Variants in TPO observed in about 807,000 individuals in gnomAD.
TPO encodes thyroid microsomal antigen.
Under a neutral mutation model 96.9 loss-of-function variants are expected in TPO, and 78 were observed. The observed-to-expected ratio is 0.81, with a 90% CI of 0.67 to 0.97. The LOEUF is 0.97. Among genes scored for constraint, TPO ranks in the 50% least tolerant of loss-of-function variants. TPO has a pLI of 0.00. For synonymous variants in TPO, 547 were observed against 538.0 expected (o/e 1.02, Z -0.23); for missense variants, 1,252 against 1,274.8 (o/e 0.98, Z 0.27).
rs539026411 is a variant in TPO, at chr2:1,524,598, T to G, written c.2618+7616T>G. Among the ~76,000 whole-genome samples the G allele has an allele frequency of 8.1e-5, 5 of 61,814 alleles. No individual in the cohort carries two copies. The South Asian group carries it at 3.0e-3, about 37-fold the overall frequency. The allele number at this position is 61,814 out of a possible 152,430, so 40.6% of individuals were successfully genotyped here. ...AATCCCCCTACTGTGTGTAACCTCC[T>G]CAAATCCGCTCACTGTGTGCAACCT... On this transcript the variant is annotated intron_variant, in intron 15 of 16. Transcript: ENST00000329066.
At chr2:1,495,033 G>T (rs1284616438) in intron 11 of TPO, among the ~76,000 whole-genome samples, 1 of 152,184 alleles carries the variant, frequency 6.6e-6, no homozygotes, top group African/African-American at 2.4e-5. Context: ...CGCTCAGAAG[G>T]GGGAAGATTT....
intron 15 of TPO, among the ~76,000 whole-genome samples, chr2:1,529,070 C>T (rs1573581869): frequency 1.4e-5 from 2 of 144,386 alleles, no homozygotes; most frequent in East Asian, 2.1e-4. Context: ...GTGCAACTTC[C>T]CTAAATCCCC....
chr2:1,480,794 T>TGCTGCTGCGTCTG (rs142866339), intron 8 of TPO, among the ~76,000 whole-genome samples: 7 of 144,168 alleles, frequency 4.9e-5, no homozygotes, highest in East Asian at 4.1e-4. Context: ...CCACACCACC[T>TGCTGCTGCGTCTG]TCCTCCTGCT....
chr2:1,540,141 C>G (rs1680562549), intron 15 of TPO, among the ~76,000 whole-genome samples: 1 of 152,148 alleles, frequency 6.6e-6, no homozygotes, highest in Non-Finnish European at 1.5e-5. Context: ...CGCTTCCTCC[C>G]CCTCATCTCC....
chr2:1,494,095 G>T, intron 11 of TPO, 56 bp downstream of exon 11: 1 of 1,571,618 alleles, frequency 6.4e-7, no homozygotes, highest in Non-Finnish European at 8.8e-7. Flanking sequence ...CAGGTGGTCT[G>T]CGTTGGTTCT....
At chr2:1,466,338 G>T (rs1388556604) in intron 7 of TPO, among the ~76,000 whole-genome samples, 1 of 152,028 alleles carries the variant, frequency 6.6e-6, no homozygotes, top group African/African-American at 2.4e-5. Context: ...CAGGGTTATT[G>T]GTCCGTAGTT....
intron 2 of TPO, among the ~76,000 whole-genome samples, chr2:1,421,087 C>A (rs2148427515): frequency 6.6e-6 from 1 of 152,168 alleles, no homozygotes; most frequent in African/African-American, 2.4e-5. Context: ...CAGAAATGCA[C>A]CCGAGGTGAC....
intron 8 of TPO, among the ~76,000 whole-genome samples, chr2:1,482,203 G>A (rs369700612): frequency 2.6e-5 from 4 of 152,318 alleles, no homozygotes; most frequent in Middle Eastern, 3.4e-3. Context: ...GACAAGGATC[G>A]CATCTCCAGG....
At chr2:1,499,884 G>A (rs1428797833) in intron 13 of TPO, among the ~76,000 whole-genome samples, 1 of 152,198 alleles carries the variant, frequency 6.6e-6, no homozygotes, top group Non-Finnish European at 1.5e-5. Flanking sequence ...AATGTGAAAT[G>A]AGGACAGGAA....
At chr2:1,496,474 A>G (rs1672360389) in intron 12 of TPO, 121 bp from the exon 13 acceptor site, 7 of 1,411,786 alleles carry the variant, frequency 5.0e-6, no homozygotes, top group Middle Eastern at 2.4e-4. Context: ...TGACCACAGC[A>G]GGGCTCCCCG....
At chr2:1,477,629 C>A (rs770608633) in intron 8 of TPO, 25 bp downstream of exon 8, 1 of 1,468,584 alleles carries the variant, frequency 6.8e-7, no homozygotes, top group African/African-American at 1.5e-5. Flanking sequence ...CCTGGGCGCC[C>A]TGGGTGGCTG....
chr2:1,522,204 C>T lies in TPO; in HGVS notation c.2618+5222C>T, dbSNP rs556725413. Among the ~76,000 whole-genome samples, 152 of 144,910 alleles carry T rather than the reference C, an allele frequency of 1.0e-3. 4 individuals carry two copies. Among genetic ancestry groups the T allele is most frequent in the African/African-American group, 3.0e-3 (117 of 38,834 alleles). Reference sequence around the variant, plus strand: ...CCCTGGCAGTCTCTCTACCCCACACCGGCCCGCCACCGTGCCCTCACAGTC... The same window carrying T: ...CCCTGGCAGTCTCTCTACCCCACACTGGCCCGCCACCGTGCCCTCACAGTC... On this transcript the variant is annotated intron_variant, in intron 15 of 16. Coordinates refer to ENST00000329066, the MANE Select transcript of TPO (RefSeq NM_001206744.2).
chr2:1,492,883 G>A (rs753032114), intron 10 of TPO, among the ~76,000 whole-genome samples: 4 of 152,180 alleles, frequency 2.6e-5, no homozygotes, highest in Admixed American at 6.5e-5. Flanking sequence ...ACCCGTGGGA[G>A]TGAGGGTCGC....
chr2:1,494,986 G>A (rs1001348595), intron 11 of TPO, among the ~76,000 whole-genome samples: 2 of 152,144 alleles, frequency 1.3e-5, no homozygotes, highest in East Asian at 3.9e-4. Flanking sequence ...TTCAGCAAAC[G>A]TGCGGTTTGG....
intron 7 of TPO, among the ~76,000 whole-genome samples, chr2:1,472,624 G>A (rs1210173443): frequency 3.3e-5 from 5 of 152,062 alleles, no homozygotes; most frequent in Non-Finnish European, 7.4e-5. Context: ...GTGCCCTTCC[G>A]TGTTACAGCC....
intron 5 of TPO, among the ~76,000 whole-genome samples, chr2:1,440,772 T>G (rs1328282742): frequency 6.6e-6 from 1 of 152,164 alleles, no homozygotes; most frequent in Non-Finnish European, 1.5e-5. Context: ...CGTACTATGT[T>G]GTAAGTGAAT....
At chr2:1,481,089 G>T (rs1424661153) in intron 8 of TPO, among the ~76,000 whole-genome samples, 1 of 152,092 alleles carries the variant, frequency 6.6e-6, no homozygotes, top group Non-Finnish European at 1.5e-5. Flanking sequence ...GCTCTTGCTG[G>T]CTTGAGATCC....
At chr2:1,416,194 G>A (rs111469075) in intron 2 of TPO, among the ~76,000 whole-genome samples, 24 of 152,302 alleles carry the variant, frequency 1.6e-4, no homozygotes, top group African/African-American at 5.3e-4. Context: ...TAAAAATGGA[G>A]TCACAATATA....
rs1186530313 is a variant in TPO, at chr2:1,453,710, G to A, written c.499G>A (p.Gly167Ser). The part of the protein sequence containing the change: ...ACNNRDHPRW[G>S]ASNTALARWL... ...TCTCCACAGAGACCACCCCAGATGGGGCGCCTCCAACACGGCCCTGGCACG... is the reference window on the plus strand; with the variant it reads ...TCTCCACAGAGACCACCCCAGATGGAGCGCCTCCAACACGGCCCTGGCACG... The change falls in exon 6 of 17, where the codon GGC becomes AGC. Residue 167 changes from glycine (G) to serine (S), a missense_variant. Coordinates refer to ENST00000329066, the MANE Select transcript of TPO (RefSeq NM_001206744.2). 1.2e-6 allele frequency: 2 copies of A among 1,613,942 alleles called. No homozygotes were observed. Among genetic ancestry groups the A allele is most frequent in the South Asian group, 1.1e-5 (1 of 91,078 alleles).
Sources: allele counts gnomAD v4.1 joint callset (sites outside exome capture counted in the v4.1 genomes callset), GRCh38; gene constraint gnomAD v4.1.1; transcripts MANE v1.5; gene names NCBI Gene and HGNC (gene_info 2026-07-23, HGNC 2026-07-21).